NTNG2: variants seen among roughly 807,000 people sequenced by gnomAD.
NTNG2 encodes the protein netrin G2.
NTNG2 carries 15 observed loss-of-function variants against 47.6 expected under a neutral mutation model. The observed-to-expected ratio is 0.32, with a 90% CI of 0.21 to 0.49. The LOEUF is 0.49. Among genes scored for constraint, NTNG2 ranks in the 20% least tolerant of loss-of-function variants. The probability of loss-of-function intolerance (pLI) is 0.99; values close to 1 mark genes in which losing one functional copy is unlikely to be tolerated. For missense variants in NTNG2, 578 were observed against 764.6 expected, an observed-to-expected ratio of 0.76 and a Z score of 2.88; for synonymous variants, 307 against 324.6, an observed-to-expected ratio of 0.95 and a Z score of 0.58.
At chr9:132,192,935 C>T (rs531987679) in intron 2 of NTNG2, among the ~76,000 whole-genome samples, 12 of 152,198 alleles carry the variant, frequency 7.9e-5, no homozygotes, top group Admixed American at 1.3e-4. Flanking sequence ...CGGGCCGGGG[C>T]GGGGGCCGGA....
chr9:132,178,431 A>G (rs1412679897), intron 2 of NTNG2, among the ~76,000 whole-genome samples: 2 of 152,194 alleles, frequency 1.3e-5, no homozygotes, highest in Admixed American at 6.5e-5. Flanking sequence ...ATAATTATCC[A>G]TCATTTCAAA....
intron 2 of NTNG2, among the ~76,000 whole-genome samples, chr9:132,185,596 T>C (rs1837300778): frequency 6.6e-6 from 1 of 152,072 alleles, no homozygotes; most frequent in South Asian, 2.1e-4. Context: ...TAATGCACTT[T>C]CCTGGGCTTC....
At chr9:132,189,445 C>A (rs571326803) in intron 2 of NTNG2, among the ~76,000 whole-genome samples, 2 of 151,990 alleles carry the variant, frequency 1.3e-5, no homozygotes, top group African/African-American at 2.4e-5. Flanking sequence ...GATAAACTGG[C>A]GGGAATTTTG....
chr9:132,232,002 G>C (rs1326472597), intron 5 of NTNG2: 1 of 152,354 alleles, frequency 6.6e-6, no homozygotes, highest in Non-Finnish European at 1.5e-5. Flanking sequence ...GCCCAGCCAG[G>C]GGATTCAGGG....
chr9:132,175,449 C>T (rs904384309), intron 2 of NTNG2, among the ~76,000 whole-genome samples: 11 of 152,294 alleles, frequency 7.2e-5, no homozygotes, highest in African/African-American at 1.9e-4. Context: ...GGCTGGACCA[C>T]GTGGTTGCTG....
At position 132,180,176 on chromosome 9, in the gene NTNG2, C is replaced by T. The variant is rs1410956250; in HGVS notation, c.213+13132C>T. Among the ~76,000 whole-genome samples, 5 of 152,272 alleles carry T rather than the reference C, an allele frequency of 3.3e-5. No individual in the cohort carries two copies. The highest frequency in any genetic ancestry group is 1.9e-4 in the East Asian group (1 of 5,186). ...CATTCGTCCACTTGACTCCAAGAGT[C>T]GGCTGGGGAAATAAAAGGAAATGAA... On this transcript the variant is annotated intron_variant, in intron 2 of 7. Coordinates refer to ENST00000393229, the MANE Select transcript of NTNG2 (RefSeq NM_032536.4). The surrounding 1 kb of genome is among the most constrained non-coding windows in gnomAD (Gnocchi z 4.2).
intron 3 of NTNG2, among the ~76,000 whole-genome samples, chr9:132,225,697 A>G (rs1840703286): frequency 6.6e-6 from 1 of 152,160 alleles, no homozygotes; most frequent in South Asian, 2.1e-4. Flanking sequence ...TATACGTTCC[A>G]TTTGTTTGCG....
chr9:132,181,901 A>G (rs1170877950), intron 2 of NTNG2, among the ~76,000 whole-genome samples: 1 of 152,226 alleles, frequency 6.6e-6, no homozygotes, highest in Non-Finnish European at 1.5e-5. Context: ...CAGGCTGCTC[A>G]GCTGACACGA....
At chr9:132,175,869 C>T (rs1225199496) in intron 2 of NTNG2, among the ~76,000 whole-genome samples, 1 of 152,154 alleles carries the variant, frequency 6.6e-6, no homozygotes, top group East Asian at 1.9e-4. Flanking sequence ...TTGCCAGGTA[C>T]ATTCTGGGAG....
At chr9:132,172,279 G>T (rs1318809704) in intron 2 of NTNG2, among the ~76,000 whole-genome samples, 4 of 152,212 alleles carry the variant, frequency 2.6e-5, no homozygotes, top group Non-Finnish European at 5.9e-5. Flanking sequence ...CCTTTGCCCA[G>T]TGGGGTGAGG....
Position 132,231,237 on chromosome 9 carries a change from T to A in NTNG2, c.1054+642T>A, listed in dbSNP as rs922190055. Reference sequence around the variant, plus strand: ...ATGGCGCCCACAGGTTATCAGTAAATGTCATCGAGACTGTCCCCAGACACT... The same window carrying A: ...ATGGCGCCCACAGGTTATCAGTAAAAGTCATCGAGACTGTCCCCAGACACT... On this transcript the variant is annotated intron_variant, in intron 5 of 7. Transcript: ENST00000393229. The surrounding 1 kb of genome is among the most constrained non-coding windows in gnomAD (Gnocchi z 4.1). 1 of 449,550 alleles carries A rather than the reference T, an allele frequency of 2.2e-6. No individual in the cohort carries two copies. The highest frequency in any genetic ancestry group is 4.5e-6 in the Non-Finnish European group (1 of 223,786). 27.8% of individuals were successfully genotyped at this position (449,550 alleles called of 1,614,324 possible).
chr9:132,241,181 G>C (rs1841958260), intron 7 of NTNG2, 137 bp downstream of exon 7: 2 of 1,155,520 alleles, frequency 1.7e-6, no homozygotes, highest in African/African-American at 3.2e-5. Context: ...CCGGGGAAGT[G>C]GGTGGGGCCT....
chr9:132,177,247 G>A lies in NTNG2; in HGVS notation c.213+10203G>A, dbSNP rs183057473. ...AACGATCTGCCCGCCTGGGCCTCCC[G>A]AAGTGCTGGGACCACAGGCGTGAGC... is the stretch of plus-strand genomic sequence containing the variant. On this transcript the variant is annotated intron_variant, in intron 2 of 7. Transcript: ENST00000393229. 3.1e-4 allele frequency among the ~76,000 whole-genome samples: 47 copies of A among 152,228 alleles called. No individual in the cohort carries two copies. The East Asian group carries it at 6.8e-3, about 22-fold the overall frequency.
At chr9:132,239,019 CTG>C in intron 5 of NTNG2, 83 bp from the exon 6 acceptor site, 1 of 1,390,188 alleles carries the variant, frequency 7.2e-7, no homozygotes, top group Non-Finnish European at 1.0e-6. Flanking sequence ...CCTGCATGAC[CTG>C]GGGTGAGTCC....
At chr9:132,181,555 T>G (rs1294159608) in intron 2 of NTNG2, among the ~76,000 whole-genome samples, 2 of 152,208 alleles carry the variant, frequency 1.3e-5, no homozygotes, top group Non-Finnish European at 2.9e-5. Context: ...CCTTAAGTGA[T>G]CCGCCCACCT....
intron 5 of NTNG2, chr9:132,232,012 G>A (rs1841265038): frequency 6.6e-6 from 1 of 152,362 alleles, no homozygotes; most frequent in East Asian, 1.9e-4. Context: ...GGGATTCAGG[G>A]ATCAGTTCAG....
intron 2 of NTNG2, among the ~76,000 whole-genome samples, chr9:132,188,799 T>C (rs1837607041): frequency 6.6e-6 from 1 of 152,114 alleles, no homozygotes; most frequent in Admixed American, 6.5e-5. Context: ...GTAACCTCAT[T>C]GAGCGTTCAT....
Position 132,193,281 on chromosome 9 carries a change from A to G in NTNG2, c.214-4685A>G, listed in dbSNP as rs562405097. 2.6e-4 allele frequency among the ~76,000 whole-genome samples: 39 copies of G among 152,358 alleles called. No individual in the cohort carries two copies. The South Asian group carries it at 8.1e-3, about 32-fold the overall frequency. On this transcript the variant is annotated intron_variant, in intron 2 of 7. Coordinates refer to ENST00000393229, the MANE Select transcript of NTNG2 (RefSeq NM_032536.4). Reference sequence around the variant, plus strand: ...TATTAATATGATGATAATAATAATAAGTATAATTGAGTGAGTGGTTACTGA... The same window carrying G: ...TATTAATATGATGATAATAATAATAGGTATAATTGAGTGAGTGGTTACTGA...
Position 132,201,996 on chromosome 9 carries a change from C to T in NTNG2, c.857+3387C>T, listed in dbSNP as rs115273869. ...CCACTACATGGCAGACAGCTAACAT[C>T]TAGACACAAGCATGTCCAGGCTCAA... On this transcript the variant is annotated intron_variant, in intron 3 of 7. Coordinates refer to ENST00000393229, the MANE Select transcript of NTNG2 (RefSeq NM_032536.4). Among the ~76,000 whole-genome samples the T allele has an allele frequency of 5.5e-3, 834 of 152,342 alleles. 8 individuals are homozygous for T. The highest frequency in any genetic ancestry group is 0.019 in the African/African-American group (797 of 41,578).
Sources: gnomAD v4.1 joint callset for allele counts (sites outside exome capture counted in the v4.1 genomes callset) on GRCh38, gnomAD v4.1.1 for gene constraint, Gnocchi (gnomAD v3.1) non-coding constraint, MANE v1.5 for transcripts, NCBI Gene and HGNC (gene_info 2026-07-23, HGNC 2026-07-21) for gene names.